The following HECTD3 variants were observed in gnomAD, a reference collection of about 807,000 sequenced individuals.
The protein encoded by HECTD3 is E3 ubiquitin-protein ligase HECTD3.
Under a neutral mutation model 109.3 loss-of-function variants are expected in HECTD3, and 72 were observed. The observed-to-expected ratio is 0.66, with a 90% CI of 0.54 to 0.80. The LOEUF is 0.80. HECTD3 is among the 30% of genes least tolerant of loss of function. The probability of loss-of-function intolerance (pLI) is 0.00; values close to 1 mark genes in which losing one functional copy is unlikely to be tolerated. For synonymous variants in HECTD3, 481 were observed against 471.8 expected (o/e 1.02, Z -0.25); for missense variants, 1,041 against 1,165.2 (o/e 0.89, Z 1.55).
In HECTD3 at chr1:45,010,023, T is replaced by C; in HGVS notation, c.722A>G (p.Lys241Arg). ...GKEDENLGSV[K>R]QYVESIDVSS... ...AACGTCTATGCTCTCCACATACTGC[T>C]TCACGCTACCCAGGTTCTCATCCTC... Residue 241 changes from lysine to arginine, a missense_variant, in exon 4 of 21, where the codon AAG (lysine) becomes AGG (arginine). Physicochemically the swap from Lys to Arg is conservative, Grantham distance 26. Transcript: ENST00000372172. The C allele has an allele frequency of 6.4e-7, 1 of 1,555,130 alleles. No individual in the cohort carries two copies. The highest frequency in any genetic ancestry group is 8.7e-7 in the Non-Finnish European group (1 of 1,147,186).
intron 1 of HECTD3, 42 bp downstream of exon 1, chr1:45,010,847 C>G (rs896028704): frequency 1.3e-6 from 2 of 1,507,054 alleles, no homozygotes; most frequent in African/African-American, 2.8e-5. Context: ...TTTCTCTGGC[C>G]CCAGGGGTCT....
Position 45,006,598 on chromosome 1 carries a change from G to A in HECTD3, c.1725+94C>T. 9.4e-7 allele frequency: 1 copy of A among 1,062,058 alleles called. No individual in the cohort carries two copies. The highest frequency in any genetic ancestry group is 1.4e-6 in the Non-Finnish European group (1 of 719,384). The allele number at this position is 1,062,058 out of a possible 1,614,324, so 65.8% of individuals were successfully genotyped here. On this transcript the variant is annotated intron_variant, in intron 13 of 20. Coordinates refer to ENST00000372172, the MANE Select transcript of HECTD3 (RefSeq NM_024602.6). This position sits in a 1 kb window ranked among gnomAD's most constrained non-coding sequence, Gnocchi z 4.7. ...ATTACAGGCGTGAGCCACTGTGCCT[G>A]CCCCCTTTCTAGCTCAATCTGGCCC...
rs780126586 is a variant in HECTD3, at chr1:45,007,628, G to C, written c.1321-33C>G. The C allele has an allele frequency of 5.7e-6, 9 of 1,583,998 alleles. No individual in the cohort carries two copies. In the East Asian group the frequency reaches 1.8e-4, roughly 32 times the overall value. ...GGAGAGGTGGCCAGAGCAGGAATGA[G>C]TGGGCAGTCAGCCTCCGTCCAGGCC... On this transcript the variant is annotated intron_variant, in intron 9 of 20. Transcript: ENST00000372172.
At position 45,006,960 on chromosome 1, in the gene HECTD3, T is replaced by C. The variant is rs200273867; in HGVS notation, c.1612A>G (p.Ile538Val). The change falls in exon 12 of 21, where the codon ATT (isoleucine) becomes GTT (valine). Residue 538 changes from isoleucine (I) to valine (V), a missense_variant. Transcript: ENST00000372172. The surrounding 1 kb of genome is among the most constrained non-coding windows in gnomAD (Gnocchi z 4.7). ...WECKFIAEGIIDQGGGFRDSL... is the reference protein window; with the variant it reads ...WECKFIAEGIVDQGGGFRDSL... Reference sequence around the variant, plus strand: ...TCCCTCAGGGCCTCACCTTGGTCAATGATGCCTTCTGCAATAAATTTACAC... The same window carrying C: ...TCCCTCAGGGCCTCACCTTGGTCAACGATGCCTTCTGCAATAAATTTACAC... The C allele has an allele frequency of 8.4e-5, 135 of 1,614,096 alleles. No individual in the cohort carries two copies. The highest frequency in any genetic ancestry group is 1.1e-4 in the Non-Finnish European group (131 of 1,179,998).
chr1:45,007,113 G>A (rs1644742129), intron 11 of HECTD3, 98 bp from the exon 12 acceptor site: 10 of 1,541,800 alleles, frequency 6.5e-6, no homozygotes, highest in Admixed American at 1.7e-5. Flanking sequence ...ATGGCGAGGG[G>A]TGCCTCGAGC....
chr1:45,009,163 G>C lies in HECTD3; in HGVS notation c.1053C>G (p.Ile351Met). The C allele has an allele frequency of 6.2e-7, 1 of 1,613,986 alleles. No individual in the cohort carries two copies. The highest frequency in any genetic ancestry group is 8.5e-7 in the Non-Finnish European group (1 of 1,179,908). Residue 351 changes from isoleucine to methionine, a missense_variant, in exon 7 of 21, where the codon ATC (isoleucine) becomes ATG (methionine). Physicochemically the swap from Ile to Met is conservative, Grantham distance 10 (BLOSUM62 1). This residue lies in a region of HECTD3 where 569 missense variants were observed against 715.3 expected (regional missense o/e 0.80). Coordinates refer to ENST00000372172, the MANE Select transcript of HECTD3 (RefSeq NM_024602.6). ...DMTVHLPIIE[I>M]RIVECRDDGI... ...CCTCACCTCGGCACTCCACGATGCGGATCTCGATGATCGGGAGGTGGACGG... is the reference window on the plus strand; with the variant it reads ...CCTCACCTCGGCACTCCACGATGCGCATCTCGATGATCGGGAGGTGGACGG...
At position 45,011,248 on chromosome 1, in the gene HECTD3, G is replaced by A. The variant is rs569202108; in HGVS notation, c.10C>T (p.Pro4Ser). The change falls in exon 1 of 21, where the codon CCT (proline) becomes TCT (serine). Residue 4 changes from proline (P) to serine (S), a missense_variant. This residue lies in a region of HECTD3 where 472 missense variants were observed against 449.9 expected (regional missense o/e 1.05). Coordinates refer to ENST00000372172, the MANE Select transcript of HECTD3 (RefSeq NM_024602.6). The stretch of plus-strand genomic sequence containing the variant: ...GACTCCAGCACCGCGCCCGGGCCAG[G>A]ACCCGCCATGGCGAAGTGGCGGAGG... The part of the protein sequence containing the change: MAG[P>S]GPGAVLESPR... 4.4e-6 allele frequency: 6 copies of A among 1,357,362 alleles called. No individual in the cohort carries two copies. The African/African-American group carries it at 9.2e-5, about 21-fold the overall frequency. The allele number at this position is 1,357,362 out of a possible 1,614,324, so 84.1% of individuals were successfully genotyped here. A position where few individuals can be genotyped will look rare whatever the true frequency, so the allele number is the denominator to read the frequency against.
rs1644706692 is a variant in HECTD3, at chr1:45,003,359, T to C, written c.*133A>G. The C allele has an allele frequency of 1.3e-6, 1 of 750,188 alleles. No individual in the cohort carries two copies. The highest frequency in any genetic ancestry group is 2.3e-6 in the Non-Finnish European group (1 of 442,756). The allele number at this position is 750,188 out of a possible 1,614,324, so 46.5% of individuals were successfully genotyped here. ...CCATGCCAGCTGCCCCTACCCCAAC[T>C]GCACACAGGAGCAGGGCACATGGGG... is the stretch of plus-strand genomic sequence containing the variant. On this transcript the variant is annotated 3_prime_UTR_variant, in exon 21 of 21. Coordinates refer to ENST00000372172, the MANE Select transcript of HECTD3 (RefSeq NM_024602.6). This position sits in a 1 kb window ranked among gnomAD's most constrained non-coding sequence, Gnocchi z 4.7.
rs199608229 is a variant in HECTD3 at position 45,003,716 on chromosome 1, G to A, written c.2454C>T (p.Pro818=). Reference sequence around the variant, plus strand: ...GGGTGCTGGAGCAAGTGGAAGACTCGGGCAGCGCGTCTGTGGTCTCGTAGC... The same window carrying A: ...GGGTGCTGGAGCAAGTGGAAGACTCAGGCAGCGCGTCTGTGGTCTCGTAGC... ...KLGYETTDAL[P]ESSTCSSTLF... is the part of the protein sequence containing the mutation. Residue 818 remains proline, a synonymous_variant, in exon 20 of 21, where the codon CCC becomes CCT. Transcript: ENST00000372172. This position sits in a 1 kb window ranked among gnomAD's most constrained non-coding sequence, Gnocchi z 4.7. 9 of 1,614,046 alleles carry A rather than the reference G, an allele frequency of 5.6e-6. No homozygotes were observed. Among genetic ancestry groups the A allele is most frequent in the Non-Finnish European group, 3.4e-6 (4 of 1,179,990 alleles).
At chr1:45,005,672 G>A in intron 15 of HECTD3, 122 bp downstream of exon 15, 1 of 740,360 alleles carries the variant, frequency 1.4e-6, no homozygotes. Flanking sequence ...TTGAAGCCAT[G>A]GGAGTGGATG....
intron 2 of HECTD3, 120 bp from the exon 3 acceptor site, chr1:45,010,413 C>G (rs1644777949): frequency 6.9e-7 from 1 of 1,455,322 alleles, no homozygotes; most frequent in African/African-American, 1.4e-5. Flanking sequence ...GCCCCCTTCA[C>G]GTCCCGCCCC....
rs77868201 is a variant in HECTD3, at chr1:45,007,205, C to T, written c.1556+14G>A. On this transcript the variant is annotated intron_variant, in intron 11 of 20. Coordinates refer to ENST00000372172, the MANE Select transcript of HECTD3 (RefSeq NM_024602.6). Reference sequence around the variant, plus strand: ...ACAGGTGTCCCGAGTAAGTCCCTCACTCTCATGCCATACCTGTAGTCCAGG... The same window carrying T: ...ACAGGTGTCCCGAGTAAGTCCCTCATTCTCATGCCATACCTGTAGTCCAGG... 10,113 of 1,609,622 alleles carry T rather than the reference C, an allele frequency of 6.3e-3. 49 individuals are homozygous for T. Among genetic ancestry groups the T allele is most frequent in the East Asian group, 0.013 (567 of 44,800 alleles).
At position 45,003,913 on chromosome 1, in the gene HECTD3, A is replaced by G; in HGVS notation, c.2371T>C (p.Phe791Leu). The change falls in exon 19 of 21, where the codon TTT becomes CTT. Residue 791 changes from phenylalanine to leucine, a missense_variant. This residue lies in a region of HECTD3 where 569 missense variants were observed against 715.3 expected (regional missense o/e 0.80). Transcript: ENST00000372172. The surrounding 1 kb of genome is among the most constrained non-coding windows in gnomAD (Gnocchi z 4.7). ...GGCAGGCGACTGCGGCCCGTGACAA[A>G]GCGCAGGAAGCGGCTCCGGTCCTCT... Reference protein sequence around the residue: ...TNEDRSRFLRFVTGRSRLPAR... With the variant: ...TNEDRSRFLRLVTGRSRLPAR... The G allele has an allele frequency of 6.2e-7, 1 of 1,613,514 alleles. No homozygotes were observed. Among genetic ancestry groups the G allele is most frequent in the East Asian group, 2.2e-5 (1 of 44,848 alleles).
chr1:45,008,526 C>T lies in HECTD3; in HGVS notation c.1238+10G>A, dbSNP rs374084555. ...AAGGGAAGGGCCCATAGGTCCAGGA[C>T]CACAGCCACCTCTGCAGGAGGACAG... On this transcript the variant is annotated intron_variant, in intron 8 of 20. Transcript: ENST00000372172. 107 of 1,611,658 alleles carry T rather than the reference C, an allele frequency of 6.6e-5. No homozygotes were observed. The South Asian group carries it at 9.7e-4, about 15-fold the overall frequency.
At position 45,010,595 on chromosome 1, in the gene HECTD3, G is replaced by A. The variant is rs371193507; in HGVS notation, c.481C>T (p.Leu161Phe). The A allele has an allele frequency of 1.9e-5, 30 of 1,613,456 alleles. No individual in the cohort carries two copies. The African/African-American group carries it at 3.6e-4, about 19-fold the overall frequency. The change falls in exon 2 of 21, where the codon CTC (leucine) becomes TTC (phenylalanine). Residue 161 changes from leucine (L) to phenylalanine (F), a missense_variant. By Grantham distance (22) the Leu-to-Phe change is conservative (BLOSUM62 0). Around this residue, in one of 2 missense-constraint regions of HECTD3, gnomAD observed 472 missense variants for 449.9 expected, o/e 1.05. Coordinates refer to ENST00000372172, the MANE Select transcript of HECTD3 (RefSeq NM_024602.6). Reference sequence around the variant, plus strand: ...CCAAAGAGCTGCTGCTGCCGCTGGAGGTGGTTGGGAGTGTCGATGGGTACC... The same window carrying A: ...CCAAAGAGCTGCTGCTGCCGCTGGAAGTGGTTGGGAGTGTCGATGGGTACC... ...RLVPIDTPNH[L>F]QRQQQLFGVD...
chr1:45,005,638 G>A (rs1644728767), intron 15 of HECTD3, 156 bp downstream of exon 15: 1 of 570,196 alleles, frequency 1.8e-6, no homozygotes, highest in Non-Finnish European at 3.1e-6. Context: ...AGGATTTTAG[G>A]GGTCACGAGT....
At chr1:45,009,816 C>G (rs1414868199) in intron 4 of HECTD3, 133 bp from the exon 5 acceptor site, 2 of 1,043,236 alleles carry the variant, frequency 1.9e-6, no homozygotes, top group Non-Finnish European at 2.8e-6. Context: ...GGATAGGGGG[C>G]CGCTGGGTAT....
intron 2 of HECTD3, 82 bp downstream of exon 2, chr1:45,010,464 A>C (rs1569949231): frequency 1.3e-6 from 2 of 1,569,572 alleles, no homozygotes; most frequent in Non-Finnish European, 1.7e-6. Context: ...TATCCCACCC[A>C]CCCCAGGCTG....
chr1:45,004,991 G>A (rs1456645937), intron 15 of HECTD3, 185 bp from the exon 16 acceptor site: 3 of 622,294 alleles, frequency 4.8e-6, no homozygotes, highest in African/African-American at 1.8e-5. Flanking sequence ...CAGCCTTGGA[G>A]GCCAGAGGAG....
Sources: allele counts gnomAD v4.1 joint callset, GRCh38; gene constraint gnomAD v4.1.1; regional missense constraint gnomAD v4.1.1; non-coding constraint Gnocchi (gnomAD v3.1); transcripts MANE v1.5; gene names NCBI Gene and HGNC (gene_info 2026-07-23, HGNC 2026-07-21).